PTPRD: variants seen among roughly 807,000 people sequenced by gnomAD.
The protein encoded by PTPRD is protein tyrosine phosphatase receptor type D.
Under a neutral mutation model 214.5 loss-of-function variants are expected in PTPRD, and 34 were observed. The observed-to-expected ratio is 0.16, with a 90% CI of 0.12 to 0.21. The LOEUF (loss-of-function observed/expected upper bound fraction) is 0.21. PTPRD is among the 10% of genes least tolerant of loss of function. The pLI, the probability that PTPRD is intolerant of heterozygous loss-of-function variation, is 1.00. For missense variants in PTPRD, 2,545 were observed against 2,398.7 expected, an observed-to-expected ratio of 1.06 and a Z score of -1.27; for synonymous variants, 1,128 against 845.7, an observed-to-expected ratio of 1.33 and a Z score of -5.79.
At chr9:10,348,150 T>A (rs1480291429) in intron 2 of PTPRD, among the ~76,000 whole-genome samples, 1 of 152,222 alleles carries the variant, frequency 6.6e-6, no homozygotes, top group Non-Finnish European at 1.5e-5. Flanking sequence ...ACCTTATATT[T>A]GTACCCATTA....
chr9:8,622,428 G>C (rs76356906), intron 14 of PTPRD, among the ~76,000 whole-genome samples: 1 of 151,834 alleles, frequency 6.6e-6, no homozygotes, highest in East Asian at 1.9e-4. Flanking sequence ...TAGTTCTTAC[G>C]GCAAGTACTA....
intron 11 of PTPRD, among the ~76,000 whole-genome samples, chr9:8,859,804 T>TGG (rs140012420): frequency 0.13 from 17,712 of 138,760 alleles, 1,389 homozygotes; most frequent in East Asian, 0.27. Flanking sequence ...TCCAGCAATT[T>TGG]GGGGGTGGGG....
intron 6 of PTPRD, among the ~76,000 whole-genome samples, chr9:9,744,792 T>G (rs1172460633): frequency 6.6e-6 from 1 of 152,102 alleles, no homozygotes; most frequent in Non-Finnish European, 1.5e-5. Context: ...ATACTATTAA[T>G]ATAATCCACA....
chr9:9,504,416 C>G (rs2096522832), intron 8 of PTPRD, among the ~76,000 whole-genome samples: 1 of 151,606 alleles, frequency 6.6e-6, no homozygotes, highest in Admixed American at 6.6e-5. Context: ...ATTATACAAC[C>G]CTTGTCTCCA....
At chr9:9,432,023 G>T (rs1205059083) in intron 8 of PTPRD, among the ~76,000 whole-genome samples, 3 of 148,014 alleles carry the variant, frequency 2.0e-5, no homozygotes, top group African/African-American at 7.5e-5. Context: ...TGCATGTTGT[G>T]TACATGTACC....
At chr9:8,542,435 T>G (rs1324829999) in intron 14 of PTPRD, among the ~76,000 whole-genome samples, 3 of 152,208 alleles carry the variant, frequency 2.0e-5, no homozygotes, top group Non-Finnish European at 2.9e-5. Context: ...AAGTTCAGAA[T>G]AATTTGAATG....
intron 10 of PTPRD, among the ~76,000 whole-genome samples, chr9:9,104,196 A>T (rs986724663): frequency 1.3e-5 from 2 of 152,194 alleles, no homozygotes; most frequent in Non-Finnish European, 2.9e-5. Flanking sequence ...CTGTTGTGGC[A>T]TCAAAGCATT....
intron 3 of PTPRD, among the ~76,000 whole-genome samples, chr9:10,090,637 A>G (rs2098417784): frequency 6.7e-6 from 1 of 149,694 alleles, no homozygotes; most frequent in Admixed American, 6.8e-5. Context: ...AAATAAAAAA[A>G]CCACCAACTA....
intron 3 of PTPRD, among the ~76,000 whole-genome samples, chr9:10,335,344 C>T (rs1017080981): frequency 6.6e-6 from 1 of 151,760 alleles, no homozygotes; most frequent in Admixed American, 6.6e-5. Flanking sequence ...TAAAAGATCA[C>T]CTTTCCAACA....
At chr9:9,267,356 G>C (rs964678594) in intron 9 of PTPRD, among the ~76,000 whole-genome samples, 2 of 151,104 alleles carry the variant, frequency 1.3e-5, no homozygotes, top group African/African-American at 2.4e-5. Context: ...AAATAATGAA[G>C]AAATAGATAA....
chr9:9,634,716 C>G (rs2095700881), intron 7 of PTPRD, among the ~76,000 whole-genome samples: 1 of 152,100 alleles, frequency 6.6e-6, no homozygotes, highest in Admixed American at 6.6e-5. Context: ...ATCATGATAT[C>G]TTATTTGAGT....
At chr9:9,919,499 C>T (rs2081944478) in intron 5 of PTPRD, among the ~76,000 whole-genome samples, 1 of 152,144 alleles carries the variant, frequency 6.6e-6, no homozygotes, top group Admixed American at 6.6e-5. Flanking sequence ...GCATGTGCCG[C>T]ATTCGGATAA....
At chr9:9,253,691 C>T (rs369680904) in intron 9 of PTPRD, among the ~76,000 whole-genome samples, 47 of 152,208 alleles carry the variant, frequency 3.1e-4, no homozygotes, top group Middle Eastern at 3.4e-3. Flanking sequence ...CTGTAATTTT[C>T]GTAGTCCTCT....
chr9:9,593,369 G>A (rs1483757071), intron 7 of PTPRD, among the ~76,000 whole-genome samples: 7 of 151,224 alleles, frequency 4.6e-5, no homozygotes, highest in Admixed American at 4.0e-4. Flanking sequence ...ATGTACATGT[G>A]TATGTATATG....
intron 5 of PTPRD, among the ~76,000 whole-genome samples, chr9:9,899,152 A>G (rs2075778445): frequency 6.6e-6 from 1 of 152,102 alleles, no homozygotes; most frequent in Non-Finnish European, 1.5e-5. Flanking sequence ...GTATACCCCA[A>G]GAAGAAGTAC....
intron 3 of PTPRD, among the ~76,000 whole-genome samples, chr9:10,145,381 C>T (rs1451664784): frequency 6.6e-6 from 1 of 152,148 alleles, no homozygotes; most frequent in Non-Finnish European, 1.5e-5. Context: ...CTTCTTCCTC[C>T]TCCTCAGCCT....
At chr9:9,097,692 C>T (rs547944647) in intron 10 of PTPRD, among the ~76,000 whole-genome samples, 2 of 152,154 alleles carry the variant, frequency 1.3e-5, no homozygotes, top group South Asian at 2.1e-4. Flanking sequence ...TACCATGGCT[C>T]TTGATGCAAT....
Position 8,948,598 on chromosome 9 carries a change from C to T in PTPRD, c.-104+70099G>A, listed in dbSNP as rs569589048. Among the ~76,000 whole-genome samples, 32 of 111,154 alleles carry T rather than the reference C, an allele frequency of 2.9e-4. No individual in the cohort carries two copies. The East Asian group carries it at 3.7e-3, about 13-fold the overall frequency. The allele number at this position is 111,154 out of a possible 152,430, so 72.9% of individuals were successfully genotyped here. ...ATATACACACACACACACAATGAAA[C>T]GACATAGCTGTTATTTAATTTTAAG... On this transcript the variant is annotated intron_variant, in intron 11 of 45. Transcript: ENST00000381196.
chr9:9,522,064 G>A (rs1027848323), intron 8 of PTPRD, among the ~76,000 whole-genome samples: 1 of 151,226 alleles, frequency 6.6e-6, no homozygotes, highest in Non-Finnish European at 1.5e-5. Context: ...GGCTGAGGCA[G>A]GAGAATCGCT....
Sources: gnomAD v4.1 joint callset for allele counts (sites outside exome capture counted in the v4.1 genomes callset) on GRCh38, gnomAD v4.1.1 for gene constraint, MANE v1.5 for transcripts, NCBI Gene and HGNC (gene_info 2026-07-23, HGNC 2026-07-21) for gene names.